Variants in PCDH15 observed in about 807,000 individuals in gnomAD.
PCDH15 encodes protocadherin-15.
Under a neutral mutation model 178.5 loss-of-function variants are expected in PCDH15, and 129 were observed. The ratio of observed to expected loss-of-function variants is 0.72; its 90% CI spans 0.63 to 0.84. The LOEUF (loss-of-function observed/expected upper bound fraction) is 0.84. Ranked by LOEUF, PCDH15 falls within the 40% of genes least tolerant of loss-of-function variation. The pLI is 0.00. For synonymous variants in PCDH15, 800 were observed against 732.0 expected (o/e 1.09, Z -1.50); for missense variants, 2,230 against 2,099.9 (o/e 1.06, Z -1.21).
chr10:54,350,966 T>C (rs541508306), intron 5 of PCDH15, among the ~76,000 whole-genome samples: 1 of 152,138 alleles, frequency 6.6e-6, no homozygotes, highest in East Asian at 1.9e-4. Context: ...TAACCAGGCA[T>C]GGTGGTGCAC....
At chr10:54,176,214 C>T (rs548738708) in intron 13 of PCDH15, among the ~76,000 whole-genome samples, 5 of 152,120 alleles carry the variant, frequency 3.3e-5, no homozygotes, top group African/African-American at 1.2e-4. Context: ...TTATACTGAC[C>T]ACTCGTGGTT....
chr10:53,982,485 C>A, intron 21 of PCDH15, among the ~76,000 whole-genome samples: 1 of 152,198 alleles, frequency 6.6e-6, no homozygotes, highest in Non-Finnish European at 1.5e-5. Context: ...GAATACTATG[C>A]AGCCATAAAA....
Position 54,202,823 on chromosome 10 carries a change from A to AAAG in PCDH15, c.1099-6935_1099-6934insCTT, listed in dbSNP as rs1554836666. The stretch of plus-strand genomic sequence containing the variant: ...GCGAAACCCCACCTCAAAAAAAAAA[A>AAAG]AAAAAAAAGTAGTTTCCCACACCCT... On this transcript the variant is annotated intron_variant, in intron 10 of 37. Transcript: ENST00000644397. Among the ~76,000 whole-genome samples the AAAG allele has an allele frequency of 1.5e-3, 232 of 149,920 alleles. 2 individuals carry two copies. Among genetic ancestry groups the AAAG allele is most frequent in the African/African-American group, 5.2e-3 (208 of 40,092 alleles).
chr10:55,509,747 T>G (rs2132149916), intron 2 of PCDH15, among the ~76,000 whole-genome samples: 1 of 152,050 alleles, frequency 6.6e-6, no homozygotes, highest in Non-Finnish European at 1.5e-5. Context: ...AATCTACATT[T>G]AATTTTAAAC....
At chr10:54,360,698 T>C (rs1355651661) in intron 5 of PCDH15, among the ~76,000 whole-genome samples, 1 of 152,120 alleles carries the variant, frequency 6.6e-6, no homozygotes, top group Non-Finnish European at 1.5e-5. Flanking sequence ...TCCTACATCA[T>C]CATCATCATC....
At chr10:54,287,652 A>G (rs558098944) in intron 8 of PCDH15, among the ~76,000 whole-genome samples, 29 of 152,250 alleles carry the variant, frequency 1.9e-4, no homozygotes, top group African/African-American at 7.0e-4. Flanking sequence ...GACTATTTAA[A>G]GCACTGAGGA....
At chr10:54,243,720 T>C (rs2131954365) in intron 8 of PCDH15, among the ~76,000 whole-genome samples, 1 of 152,318 alleles carries the variant, frequency 6.6e-6, no homozygotes, top group African/African-American at 2.4e-5. Context: ...AAACAACCAT[T>C]TCTGTTTTCA....
intron 2 of PCDH15, among the ~76,000 whole-genome samples, chr10:54,932,121 T>G (rs1591791702): frequency 1.3e-5 from 2 of 152,298 alleles, no homozygotes; most frequent in South Asian, 2.1e-4. Flanking sequence ...TATTTTAGAG[T>G]GTACTTCTAC....
chr10:54,421,967 A>G (rs1415102906), intron 3 of PCDH15, among the ~76,000 whole-genome samples: 1 of 142,292 alleles, frequency 7.0e-6, no homozygotes, highest in Non-Finnish European at 1.5e-5. Flanking sequence ...ATATATATTT[A>G]GGGAGGGCAT....
intron 2 of PCDH15, among the ~76,000 whole-genome samples, chr10:54,528,939 C>T (rs748285177): frequency 9.9e-5 from 15 of 151,938 alleles, no homozygotes; most frequent in Non-Finnish European, 1.5e-4. Context: ...AAGTACTCTA[C>T]TAGGAAATAC....
intron 3 of PCDH15, among the ~76,000 whole-genome samples, chr10:54,395,247 A>C (rs1444271530): frequency 2.0e-5 from 3 of 152,172 alleles, no homozygotes; most frequent in Admixed American, 2.0e-4. Flanking sequence ...AGAAATTATA[A>C]AAGTATTAAT....
chr10:54,929,509 A>G (rs1300257231), intron 2 of PCDH15, among the ~76,000 whole-genome samples: 1 of 152,136 alleles, frequency 6.6e-6, no homozygotes, highest in African/African-American at 2.4e-5. Flanking sequence ...CACTTTGGAG[A>G]TCATTATGGT....
At chr10:54,990,519 AAAAT>A (rs1470985456) in intron 2 of PCDH15, among the ~76,000 whole-genome samples, 1 of 152,216 alleles carries the variant, frequency 6.6e-6, no homozygotes, top group African/African-American at 2.4e-5. Context: ...TCATGAATTA[AAAAT>A]AAATAAATTT....
chr10:55,176,294 A>G (rs563484159), intron 1 of PCDH15, among the ~76,000 whole-genome samples: 32 of 152,174 alleles, frequency 2.1e-4, no homozygotes, highest in African/African-American at 7.0e-4. Context: ...CTTTTAAATC[A>G]TGCCTGAAAA....
At chr10:54,512,244 A>T (rs1478436334) in intron 3 of PCDH15, among the ~76,000 whole-genome samples, 1 of 152,114 alleles carries the variant, frequency 6.6e-6, no homozygotes, top group Non-Finnish European at 1.5e-5. Flanking sequence ...ATTTAAAAGT[A>T]CAGAGTATTC....
At chr10:54,218,768 A>C (rs114370379) in intron 9 of PCDH15, among the ~76,000 whole-genome samples, 4,945 of 152,270 alleles carry the variant, frequency 0.032, 120 homozygotes, top group Middle Eastern at 0.075. Context: ...ACAAAGAAAC[A>C]AACAAAATAT....
At chr10:54,091,262 G>A (rs1336413362) in intron 15 of PCDH15, among the ~76,000 whole-genome samples, 3 of 152,194 alleles carry the variant, frequency 2.0e-5, no homozygotes, top group Non-Finnish European at 4.4e-5. Context: ...ATCTGATAAA[G>A]GTTCAGATGT....
intron 2 of PCDH15, among the ~76,000 whole-genome samples, chr10:55,497,463 G>A (rs966505382): frequency 6.6e-6 from 1 of 151,612 alleles, no homozygotes; most frequent in Non-Finnish European, 1.5e-5. Context: ...CTTTGATTTC[G>A]AGTTGGCTTG....
rs141332430 is a variant in PCDH15, at chr10:55,590,757, A to T, written c.-156+36868T>A. On this transcript the variant is annotated intron_variant, in intron 2 of 5. Coordinates refer to the PCDH15 transcript ENST00000613346. The stretch of plus-strand genomic sequence containing the variant: ...ATTGTAAGTCACTTTATTATACAGC[A>T]TCTGGTCATATGGTATATCATCAAT... Among the ~76,000 whole-genome samples, 577 of 152,242 alleles carry T rather than the reference A, an allele frequency of 3.8e-3. 3 individuals carry two copies. Among genetic ancestry groups the T allele is most frequent in the African/African-American group, 0.013 (555 of 41,562 alleles).
Sources: allele counts gnomAD v4.1 joint callset (sites outside exome capture counted in the v4.1 genomes callset), GRCh38; gene constraint gnomAD v4.1.1; transcripts MANE v1.5; gene names NCBI Gene and HGNC (gene_info 2026-07-23, HGNC 2026-07-21).